CECR2: variants seen among roughly 807,000 people sequenced by gnomAD.
CECR2 encodes the protein chromatin remodeling regulator CECR2.
Under a neutral mutation model 154.5 loss-of-function variants are expected in CECR2, and 30 were observed. That is an observed-to-expected ratio of 0.19 (90% confidence interval 0.15 to 0.26). The LOEUF (loss-of-function observed/expected upper bound fraction) is 0.26. Among genes scored for constraint, CECR2 ranks in the 10% least tolerant of loss-of-function variants. CECR2 has a pLI of 1.00. For synonymous variants in CECR2, 725 were observed against 683.7 expected (o/e 1.06, Z -0.94); for missense variants, 1,743 against 1,829.3 (o/e 0.95, Z 0.86).
At chr22:17,373,578 T>C (rs1361428015) in intron 1 of CECR2, among the ~76,000 whole-genome samples, 3 of 152,236 alleles carry the variant, frequency 2.0e-5, no homozygotes, top group Non-Finnish European at 1.5e-5. Context: ...GTAATTGTTC[T>C]GTAGGTTAGA....
intron 1 of CECR2, among the ~76,000 whole-genome samples, chr22:17,416,372 T>C (rs796221732): frequency 2.0e-5 from 3 of 152,344 alleles, no homozygotes; most frequent in South Asian, 4.1e-4. Context: ...CCTTTTTTTG[T>C]ATTTGTTTCC....
chr22:17,544,838 G>GTTCATGCC (rs2056586931), intron 16 of CECR2, among the ~76,000 whole-genome samples: 2 of 103,350 alleles, frequency 1.9e-5, no homozygotes, highest in South Asian at 6.3e-4. Context: ...AAAAAAAAAG[G>GTTCATGCC]TTCATGCCTA....
chr22:17,363,412 C>T lies in CECR2; in HGVS notation c.-364+3389C>T, dbSNP rs866658411. Among the ~76,000 whole-genome samples the T allele has an allele frequency of 1.2e-4, 19 of 152,154 alleles. No homozygotes were observed. In the South Asian group the frequency reaches 1.7e-3, roughly 13 times the overall value. Reference sequence around the variant, plus strand: ...TAGTAGACACGGACATTCACCATATCGAGACCAGGCTGGTCTCGAACTCCT... The same window carrying T: ...TAGTAGACACGGACATTCACCATATTGAGACCAGGCTGGTCTCGAACTCCT... On this transcript the variant is annotated intron_variant, in intron 1 of 18. Coordinates refer to the CECR2 transcript ENST00000400585.
In CECR2 at chr22:17,472,821, G is replaced by A. The variant is rs144930898; in HGVS notation, c.127-4767G>A. Among the ~76,000 whole-genome samples, 15 of 152,266 alleles carry A rather than the reference G, an allele frequency of 9.9e-5. No homozygotes were observed. The East Asian group carries it at 2.9e-3, about 29-fold the overall frequency. On this transcript the variant is annotated intron_variant, in intron 1 of 18. Coordinates refer to ENST00000262608, the MANE Select transcript of CECR2 (RefSeq NM_001290047.2). The stretch of plus-strand genomic sequence containing the variant: ...ATGGGTTGGTAGGGTTACAATAAAG[G>A]CATTTAGCAATATCCTGCATATGTC...
intron 18 of CECR2, 79 bp from the exon 19 acceptor site, chr22:17,552,756 A>T (rs2056726261): frequency 2.0e-6 from 2 of 1,021,788 alleles, no homozygotes; most frequent in African/African-American, 4.3e-5. Context: ...GAGCTTGGAC[A>T]TTCTTTGGCT....
At chr22:17,549,783 GGTTTTTT>G (rs2056678737) in intron 17 of CECR2, among the ~76,000 whole-genome samples, 2 of 88,856 alleles carry the variant, frequency 2.3e-5, no homozygotes, top group Non-Finnish European at 2.1e-5. Context: ...CTAACTTTTT[GGTTTTTT>G]TTTTTTTTTT....
intron 8 of CECR2, among the ~76,000 whole-genome samples, chr22:17,521,390 A>C (rs995210185): frequency 3.3e-5 from 5 of 152,232 alleles, no homozygotes; most frequent in Admixed American, 3.3e-4. Flanking sequence ...AATACAAAAA[A>C]TTAGCCAGGC....
intron 2 of CECR2, among the ~76,000 whole-genome samples, chr22:17,489,562 C>T (rs174287): frequency 0.18 from 27,398 of 152,122 alleles, 2,549 homozygotes; most frequent in Non-Finnish European, 0.2. Context: ...CTCAAACAGT[C>T]CTCCGGCTTC....
intron 9 of CECR2, among the ~76,000 whole-genome samples, chr22:17,526,536 C>T (rs1406415363): frequency 1.3e-5 from 2 of 152,082 alleles, no homozygotes; most frequent in African/African-American, 2.4e-5. Flanking sequence ...TAAGGCCGGG[C>T]GTGACGACTT....
chr22:17,383,147 C>T (rs2063219279), intron 1 of CECR2, among the ~76,000 whole-genome samples: 1 of 152,050 alleles, frequency 6.6e-6, no homozygotes, highest in Non-Finnish European at 1.5e-5. Context: ...ATCTCTTGAA[C>T]CCGGGAGGCG....
intron 8 of CECR2, among the ~76,000 whole-genome samples, chr22:17,514,432 A>G (rs1399596254): frequency 1.3e-5 from 2 of 152,274 alleles, no homozygotes; most frequent in African/African-American, 4.8e-5. Context: ...GTTTCTCATT[A>G]GCTTCTCATT....
chr22:17,411,439 C>T (rs2054066974), intron 1 of CECR2, among the ~76,000 whole-genome samples: 2 of 152,284 alleles, frequency 1.3e-5, no homozygotes. Flanking sequence ...CCATCTGGGC[C>T]TCCCTTGAGT....
chr22:17,414,011 C>T lies in CECR2; in HGVS notation c.126+44102C>T, dbSNP rs562192172. On this transcript the variant is annotated intron_variant, in intron 1 of 18. Coordinates refer to ENST00000262608, the MANE Select transcript of CECR2 (RefSeq NM_001290047.2). ...TTTTTGAGACGGAGTCTTGCTCTGT[C>T]ACCCAGGCTGGAGTGTGGTGGTGCA... is the stretch of plus-strand genomic sequence containing the variant. Among the ~76,000 whole-genome samples, 53 of 148,338 alleles carry T rather than the reference C, an allele frequency of 3.6e-4. No individual in the cohort carries two copies. In the South Asian group the frequency reaches 9.4e-3, roughly 26 times the overall value.
intron 3 of CECR2, among the ~76,000 whole-genome samples, chr22:17,498,493 T>G (rs964059121): frequency 6.6e-6 from 1 of 152,134 alleles, no homozygotes; most frequent in African/African-American, 2.4e-5. Flanking sequence ...TGATTAAATG[T>G]GGTGATGACT....
intron 1 of CECR2, among the ~76,000 whole-genome samples, chr22:17,400,813 A>C (rs986767179): frequency 3.3e-5 from 5 of 152,092 alleles, no homozygotes; most frequent in Non-Finnish European, 5.9e-5. Context: ...GCAGTGGCAT[A>C]ATCTCTTGCT....
chr22:17,414,253 T>A (rs547126687), intron 1 of CECR2, among the ~76,000 whole-genome samples: 98 of 152,342 alleles, frequency 6.4e-4, no homozygotes, highest in Non-Finnish European at 1.2e-3. Context: ...ATTACAGGCG[T>A]GAGCCACTGC....
chr22:17,548,285 A>G lies in CECR2; in HGVS notation c.2998A>G (p.Thr1000Ala). The G allele has an allele frequency of 6.2e-7, 1 of 1,608,380 alleles. No individual in the cohort carries two copies. ...GCAGAGCTCACCACAAGAAAGGGAA[A>G]CAGTGGGCCCGGAGCTCAAAAGCAG... ...TRQSSPQERE[T>A]VGPELKSSSS... Residue 1000 changes from threonine (T) to alanine (A), a missense_variant, in exon 17 of 19, where the codon ACA becomes GCA. Thr to Ala is a moderately conservative substitution (Grantham distance 58). This residue lies in a region of CECR2 where 1,250 missense variants were observed against 1,192.1 expected (regional missense o/e 1.05). Coordinates refer to ENST00000262608, the MANE Select transcript of CECR2 (RefSeq NM_001290047.2).
rs145094879 is a variant in CECR2 at position 17,461,792 on chromosome 22, CT to C, written c.127-15778del. ...AGTCAAGACTGGGAAGTACCCGTTACTTTTTTTTTTTTTTTTTTGAAATGGA... is the reference window on the plus strand; with the variant it reads ...AGTCAAGACTGGGAAGTACCCGTTACTTTTTTTTTTTTTTTTTGAAATGGA... On this transcript the variant is annotated intron_variant, in intron 1 of 18. Transcript: ENST00000262608. 7.6e-3 allele frequency among the ~76,000 whole-genome samples: 1,039 copies of C among 137,142 alleles called. 3 individuals carry two copies. Among genetic ancestry groups the C allele is most frequent in the African/African-American group, 0.015 (581 of 37,854 alleles). The allele number at this position is 137,142 out of a possible 152,430, so 90.0% of individuals were successfully genotyped here.
chr22:17,511,226 C>G (rs17809093), intron 7 of CECR2, among the ~76,000 whole-genome samples: 4,504 of 152,280 alleles, frequency 0.03, 139 homozygotes, highest in East Asian at 0.15. Context: ...AAAGTAGTAA[C>G]CTAGATACAA....
Sources: allele counts gnomAD v4.1 joint callset (sites outside exome capture counted in the v4.1 genomes callset), GRCh38; gene constraint gnomAD v4.1.1; regional missense constraint gnomAD v4.1.1; transcripts MANE v1.5; gene names NCBI Gene and HGNC (gene_info 2026-07-23, HGNC 2026-07-21).